The following USP47 variants were observed in gnomAD, a reference collection of about 807,000 sequenced individuals.
USP47 encodes ubiquitin specific peptidase 47.
In USP47, 35 loss-of-function variants were observed where a neutral mutation model predicts 165.1. The ratio of observed to expected loss-of-function variants is 0.21; its 90% CI spans 0.16 to 0.28. The LOEUF is 0.28. Ranked by LOEUF, USP47 falls within the 10% of genes least tolerant of loss-of-function variation. USP47 has a pLI of 1.00. For synonymous variants in USP47, 531 were observed against 544.5 expected, an observed-to-expected ratio of 0.98 and a Z score of 0.35; for missense variants, 1,277 against 1,607.4, an observed-to-expected ratio of 0.79 and a Z score of 3.52.
At chr11:11,946,131 A>G (rs1289827388) in intron 20 of USP47, among the ~76,000 whole-genome samples, 1 of 152,198 alleles carries the variant, frequency 6.6e-6, no homozygotes, top group Non-Finnish European at 1.5e-5. Flanking sequence ...TAGCCAATAA[A>G]TTAACACTCT....
At chr11:11,900,421 A>G (rs1265276696) in intron 5 of USP47, among the ~76,000 whole-genome samples, 1 of 152,038 alleles carries the variant, frequency 6.6e-6, no homozygotes, top group Non-Finnish European at 1.5e-5. Flanking sequence ...TGGCCTCCCA[A>G]AGTGCTGGGA....
At chr11:11,900,239 G>C (rs1242311466) in intron 5 of USP47, among the ~76,000 whole-genome samples, 1 of 146,954 alleles carries the variant, frequency 6.8e-6, no homozygotes, top group African/African-American at 2.5e-5. Context: ...GCTCACTGCA[G>C]GCTCTGCCTC....
At chr11:11,902,156 C>A (rs1852272604) in intron 5 of USP47, among the ~76,000 whole-genome samples, 1 of 152,072 alleles carries the variant, frequency 6.6e-6, no homozygotes, top group East Asian at 1.9e-4. Context: ...CTGATTGCGT[C>A]ATTTAACAAT....
In USP47 at chr11:11,884,545, A is replaced by T; in HGVS notation, c.322A>T (p.Thr108Ser). 6.2e-7 allele frequency: 1 copy of T among 1,611,242 alleles called. No individual in the cohort carries two copies. Among genetic ancestry groups the T allele is most frequent in the Non-Finnish European group, 8.5e-7 (1 of 1,179,096 alleles). Residue 108 changes from threonine (T) to serine (S), a missense_variant, in exon 3 of 28, where the codon ACA (threonine) becomes TCA (serine). Thr to Ser is a moderately conservative substitution (Grantham distance 58). Around this residue, in one of 4 missense-constraint regions of USP47, gnomAD observed 181 missense variants for 194.7 expected, o/e 0.93. Coordinates refer to ENST00000527733, the MANE Select transcript of USP47 (RefSeq NM_001282659.2). Reference sequence around the variant, plus strand: ...AGGAAAGAAGAACTTTCTGCATTTGACAGATAAAGATGGTGAACAACCTCA... The same window carrying T: ...AGGAAAGAAGAACTTTCTGCATTTGTCAGATAAAGATGGTGAACAACCTCA... Reference protein sequence around the residue: ...EPGKKNFLHLTDKDGEQPQIL... With the variant: ...EPGKKNFLHLSDKDGEQPQIL...
chr11:11,873,723 A>G, intron 1 of USP47: 1 of 818,260 alleles, frequency 1.2e-6, no homozygotes, highest in Non-Finnish European at 1.7e-6. Flanking sequence ...TTTTAGGTTA[A>G]TTGTTCTCAT....
At chr11:11,890,085 A>G (rs1294326083) in intron 3 of USP47, among the ~76,000 whole-genome samples, 1 of 152,208 alleles carries the variant, frequency 6.6e-6, no homozygotes, top group Non-Finnish European at 1.5e-5. Context: ...GTAAAACCCG[A>G]AACTATACAA....
intron 10 of USP47, among the ~76,000 whole-genome samples, chr11:11,921,536 A>G (rs1343318362): frequency 6.6e-6 from 1 of 151,876 alleles, no homozygotes. Flanking sequence ...ACTATGATCA[A>G]TAACATTTTG....
In USP47 at chr11:11,954,786, A is replaced by G. The variant is rs539257438; in HGVS notation, c.3715-111A>G. The G allele has an allele frequency of 2.1e-4, 260 of 1,256,438 alleles. 1 individual carries two copies. In the African/African-American group the frequency reaches 3.7e-3, roughly 18 times the overall value. The allele number at this position is 1,256,438 out of a possible 1,614,324, so 77.8% of individuals were successfully genotyped here. On this transcript the variant is annotated intron_variant, in intron 25 of 27. Transcript: ENST00000527733. The stretch of plus-strand genomic sequence containing the variant: ...TTCTGCTTTTTCTTAATTTTTTTAC[A>G]TGAAACATTTTTTAAACTGAGCTAT...
chr11:11,890,905 C>G (rs1168744650), intron 3 of USP47, among the ~76,000 whole-genome samples: 2 of 152,150 alleles, frequency 1.3e-5, no homozygotes, highest in Non-Finnish European at 2.9e-5. Context: ...GAAACTAACA[C>G]AGGAACAGAA....
At chr11:11,951,762 G>T (rs1187387000) in intron 24 of USP47, 2 of 152,158 alleles carry the variant, frequency 1.3e-5, no homozygotes, top group Non-Finnish European at 2.9e-5. Flanking sequence ...GACAAGTTAA[G>T]TTGGGAGGTA....
At chr11:11,864,527 T>TGCG (rs1178649780) in intron 1 of USP47, among the ~76,000 whole-genome samples, 4 of 151,878 alleles carry the variant, frequency 2.6e-5, no homozygotes, top group African/African-American at 9.7e-5. Context: ...ATTAAATAAC[T>TGCG]CGCCATTCCT....
In USP47 at chr11:11,842,155, G is replaced by C; in HGVS notation, c.-31G>C. 3 of 1,551,348 alleles carry C rather than the reference G, an allele frequency of 1.9e-6. No individual in the cohort carries two copies. Among genetic ancestry groups the C allele is most frequent in the Non-Finnish European group, 2.6e-6 (3 of 1,146,640 alleles). On this transcript the variant is annotated 5_prime_UTR_variant, in exon 1 of 28. Transcript: ENST00000527733. ...CGCCGCCACCCTCCACCCTCCCCCG[G>C]CAGGGCGGAGAGGAGCGGCCGGAGT...
intron 16 of USP47, among the ~76,000 whole-genome samples, chr11:11,935,360 T>C (rs534062396): frequency 1.3e-5 from 2 of 151,946 alleles, no homozygotes; most frequent in Non-Finnish European, 2.9e-5. Context: ...TGAACAAACA[T>C]TAAGATGGAT....
At chr11:11,916,710 T>C (rs1023124844) in intron 8 of USP47, among the ~76,000 whole-genome samples, 8 of 152,044 alleles carry the variant, frequency 5.3e-5, no homozygotes, top group African/African-American at 7.2e-5. Flanking sequence ...AATTGGAGTC[T>C]GTGAAGAAGA....
At chr11:11,854,062 A>G (rs145487402) in intron 1 of USP47, among the ~76,000 whole-genome samples, 5,105 of 127,610 alleles carry the variant, frequency 0.04, 275 homozygotes, top group Middle Eastern at 0.17. Flanking sequence ...GTGAACCCAG[A>G]AGGTGGAGCT....
chr11:11,842,003 G>A lies in USP47; in HGVS notation c.-183G>A. 1.7e-6 allele frequency: 1 copy of A among 586,312 alleles called. No individual in the cohort carries two copies. The highest frequency in any genetic ancestry group is 2.8e-6 in the Non-Finnish European group (1 of 358,660). 36.3% of individuals were successfully genotyped at this position (586,312 alleles called of 1,614,324 possible). On this transcript the variant is annotated 5_prime_UTR_variant, in exon 1 of 28. Transcript: ENST00000527733. ...GGCGGCTGTGGTAGCGGCGGCGGCG[G>A]CGGCGGAGCCCTGGGTCGGTGTCTG...
chr11:11,897,537 T>C lies in USP47; in HGVS notation c.497-60T>C, dbSNP rs1427116733. ...TTTACTGTGAATTAAATTCTTATTA[T>C]GTTTTTGTTATTTTTAATGTAAATG... On this transcript the variant is annotated intron_variant, in intron 4 of 27. Transcript: ENST00000527733. 16 of 1,217,616 alleles carry C rather than the reference T, an allele frequency of 1.3e-5. No homozygotes were observed. In the East Asian group the frequency reaches 1.7e-4, roughly 13 times the overall value. 75.4% of individuals were successfully genotyped at this position (1,217,616 alleles called of 1,614,324 possible).
intron 19 of USP47, among the ~76,000 whole-genome samples, chr11:11,942,130 G>A (rs1233497661): frequency 6.6e-6 from 1 of 152,056 alleles, no homozygotes; most frequent in Non-Finnish European, 1.5e-5. Flanking sequence ...CTATCTTAGT[G>A]TAGTTTTATG....
At position 11,870,660 on chromosome 11, in the gene USP47, C is replaced by T. The variant is rs551381072; in HGVS notation, c.40-9517C>T. Among the ~76,000 whole-genome samples, 37 of 152,224 alleles carry T rather than the reference C, an allele frequency of 2.4e-4. No individual in the cohort carries two copies. In the South Asian group the frequency reaches 4.4e-3, roughly 18 times the overall value. On this transcript the variant is annotated intron_variant, in intron 1 of 27. Coordinates refer to ENST00000527733, the MANE Select transcript of USP47 (RefSeq NM_001282659.2). ...TGCTGGTTATTGGATTCTGGTTTGA[C>T]GGTTATTTTTTGTAAGCACCTGAAA...
Sources: gnomAD v4.1 joint callset for allele counts (sites outside exome capture counted in the v4.1 genomes callset) on GRCh38, gnomAD v4.1.1 for gene constraint, gnomAD v4.1.1 regional missense constraint, MANE v1.5 for transcripts, NCBI Gene and HGNC (gene_info 2026-07-23, HGNC 2026-07-21) for gene names.